KALRN: variants seen among roughly 807,000 people sequenced by gnomAD.
KALRN encodes kalirin RhoGEF kinase.
KALRN carries 70 observed loss-of-function variants against 353.7 expected under a neutral mutation model. The observed-to-expected ratio is 0.20, with a 90% CI of 0.16 to 0.24. The LOEUF (loss-of-function observed/expected upper bound fraction) is 0.24, where lower values mean the gene tolerates loss of function less well. Ranked by LOEUF, KALRN falls within the 10% of genes least tolerant of loss-of-function variation. The pLI is 1.00. For synonymous variants in KALRN, 1,391 were observed against 1,434.8 expected, an observed-to-expected ratio of 0.97 and a Z score of 0.69; for missense variants, 2,791 against 3,756.7, an observed-to-expected ratio of 0.74 and a Z score of 6.72.
chr3:124,221,458 G>T (rs1057004296), intron 1 of KALRN, among the ~76,000 whole-genome samples: 4 of 152,136 alleles, frequency 2.6e-5, no homozygotes, highest in Non-Finnish European at 4.4e-5. Context: ...AAGGCATCAG[G>T]ATCAGTTAAT....
intron 58 of KALRN, 28 bp downstream of exon 58, chr3:124,713,163 T>A: frequency 6.4e-7 from 1 of 1,571,022 alleles, no homozygotes. Flanking sequence ...CTCTCTAAAG[T>A]CGCCTGCATC....
At chr3:124,414,551 C>T (rs1309436423) in intron 14 of KALRN, among the ~76,000 whole-genome samples, 3 of 152,184 alleles carry the variant, frequency 2.0e-5, no homozygotes, top group Non-Finnish European at 4.4e-5. Context: ...AACTTCTTTT[C>T]CTGCTCAAGA....
At chr3:124,187,957 C>T (rs963253066) in intron 1 of KALRN, among the ~76,000 whole-genome samples, 9 of 152,160 alleles carry the variant, frequency 5.9e-5, no homozygotes, top group African/African-American at 2.2e-4. Context: ...TGGAAGTCCT[C>T]AACCCTGACT....
At chr3:124,549,194 G>GA (rs1174584585) in intron 33 of KALRN, among the ~76,000 whole-genome samples, 1 of 69,088 alleles carries the variant, frequency 1.4e-5, no homozygotes, top group Non-Finnish European at 2.8e-5. Context: ...TCACCATGAT[G>GA]TAGTCTATAA....
chr3:124,278,770 CAG>C (rs2075045201), intron 5 of KALRN, among the ~76,000 whole-genome samples: 1 of 152,152 alleles, frequency 6.6e-6, no homozygotes. Context: ...AAGGTATAAA[CAG>C]TTCTGGTCAC....
chr3:124,530,647 G>C (rs2067963020), intron 33 of KALRN, among the ~76,000 whole-genome samples: 1 of 152,208 alleles, frequency 6.6e-6, no homozygotes, highest in East Asian at 1.9e-4. Flanking sequence ...GCCTCCCAAA[G>C]TGCGAGGATT....
intron 18 of KALRN, among the ~76,000 whole-genome samples, chr3:124,439,258 C>T (rs1178842604): frequency 1.4e-5 from 2 of 146,390 alleles, no homozygotes; most frequent in African/African-American, 5.4e-5. Context: ...ACATGCTTCC[C>T]AGCCCCTCTT....
At chr3:124,691,357 G>A (rs985770815) in intron 51 of KALRN, among the ~76,000 whole-genome samples, 7 of 152,222 alleles carry the variant, frequency 4.6e-5, no homozygotes, top group Non-Finnish European at 1.5e-5. Context: ...GAACCGGGGA[G>A]GCGGAATTTG....
chr3:124,262,079 G>T (rs1265432791), intron 3 of KALRN, among the ~76,000 whole-genome samples: 2 of 152,142 alleles, frequency 1.3e-5, no homozygotes, highest in East Asian at 3.9e-4. Context: ...GACCAGTGCT[G>T]GTGAGGATAC....
intron 38 of KALRN, among the ~76,000 whole-genome samples, chr3:124,654,280 G>C (rs2083744375): frequency 6.6e-6 from 1 of 152,184 alleles, no homozygotes; most frequent in African/African-American, 2.4e-5. Flanking sequence ...GGAAGTGCTG[G>C]GTGCACTGAT....
chr3:124,476,236 A>G (rs1334242995), intron 26 of KALRN, among the ~76,000 whole-genome samples: 1 of 151,616 alleles, frequency 6.6e-6, no homozygotes, highest in Non-Finnish European at 1.5e-5. Context: ...GGCAGTGGTC[A>G]AGACCAGGAA....
intron 37 of KALRN, among the ~76,000 whole-genome samples, chr3:124,640,286 C>CT (rs71777187): frequency 0.2 from 25,927 of 127,388 alleles, 3,136 homozygotes; most frequent in East Asian, 0.44. Flanking sequence ...TTCTTTCTTT[C>CT]TTTTTTTTTT....
At position 124,666,327 on chromosome 3, in the gene KALRN, C is replaced by G. The variant is rs1343208997; in HGVS notation, c.6346-122C>G. 3.4e-6 allele frequency: 3 copies of G among 884,872 alleles called. No individual in the cohort carries two copies. The African/African-American group carries it at 5.0e-5, about 15-fold the overall frequency. The allele number at this position is 884,872 out of a possible 1,614,324, so 54.8% of individuals were successfully genotyped here. Reference sequence around the variant, plus strand: ...CCTAATTCAGTCTCTTCCTAGAGCCCTGAGGCTTTTGTTGTCAAATCTGTT... The same window carrying G: ...CCTAATTCAGTCTCTTCCTAGAGCCGTGAGGCTTTTGTTGTCAAATCTGTT... On this transcript the variant is annotated intron_variant, in intron 45 of 59. Transcript: ENST00000682506.
At chr3:124,406,692 G>A (rs554573273) in intron 13 of KALRN, among the ~76,000 whole-genome samples, 1 of 152,292 alleles carries the variant, frequency 6.6e-6, no homozygotes, top group South Asian at 2.1e-4. Context: ...CATATGTAGT[G>A]TTGATTAATG....
At chr3:124,714,813 C>T (rs1808852) in intron 58 of KALRN, among the ~76,000 whole-genome samples, 12,778 of 152,112 alleles carry the variant, frequency 0.084, 906 homozygotes, top group East Asian at 0.32. Context: ...GTCAGGAGTT[C>T]GAGGCCAGCC....
At chr3:124,279,732 G>A (rs1330257238) in intron 5 of KALRN, among the ~76,000 whole-genome samples, 1 of 152,234 alleles carries the variant, frequency 6.6e-6, no homozygotes, top group Non-Finnish European at 1.5e-5. Context: ...TACTGTGCCA[G>A]GGATGGGCAA....
At chr3:124,064,715 A>G (rs2042217971) in intron 1 of KALRN, among the ~76,000 whole-genome samples, 1 of 152,188 alleles carries the variant, frequency 6.6e-6, no homozygotes, top group Non-Finnish European at 1.5e-5. Context: ...CTTTTAGGAC[A>G]GCTTTTTGGT....
intron 33 of KALRN, among the ~76,000 whole-genome samples, chr3:124,514,027 A>T (rs2066256797): frequency 6.6e-6 from 1 of 152,168 alleles, no homozygotes; most frequent in African/African-American, 2.4e-5. Flanking sequence ...GGTCGCAAAA[A>T]TCAGTCCTTG....
chr3:124,524,695 C>T (rs2067442396), intron 33 of KALRN, among the ~76,000 whole-genome samples: 1 of 152,150 alleles, frequency 6.6e-6, no homozygotes, highest in Non-Finnish European at 1.5e-5. Context: ...AGATCCTAGT[C>T]CAACAATGTG....
Sources: allele counts gnomAD v4.1 joint callset (sites outside exome capture counted in the v4.1 genomes callset), GRCh38; gene constraint gnomAD v4.1.1; transcripts MANE v1.5; gene names NCBI Gene and HGNC (gene_info 2026-07-23, HGNC 2026-07-21).